The following ADARB1 variants were observed in gnomAD, a reference collection of about 807,000 sequenced individuals.
The protein encoded by ADARB1 is double-stranded RNA-specific editase 1.
Under a neutral mutation model 52.4 loss-of-function variants are expected in ADARB1, and 10 were observed. That is an observed-to-expected ratio of 0.19 (90% CI 0.12 to 0.32). ADARB1 has a LOEUF of 0.32. ADARB1 is among the 10% of genes least tolerant of loss of function. The pLI, the probability that ADARB1 is intolerant of heterozygous loss-of-function variation, is 1.00. For missense variants in ADARB1, 643 were observed against 922.3 expected, an observed-to-expected ratio of 0.70 and a Z score of 3.92; for synonymous variants, 349 against 371.1, an observed-to-expected ratio of 0.94 and a Z score of 0.68.
At chr21:45,194,030 C>T (rs2092367549) in intron 8 of ADARB1, among the ~76,000 whole-genome samples, 1 of 152,104 alleles carries the variant, frequency 6.6e-6, no homozygotes, top group African/African-American at 2.4e-5. Flanking sequence ...AAACAACTTT[C>T]AAAAGGAAGA....
At chr21:45,180,873 G>A (rs778045669) in intron 5 of ADARB1, among the ~76,000 whole-genome samples, 58 of 152,164 alleles carry the variant, frequency 3.8e-4, no homozygotes, top group Non-Finnish European at 5.6e-4. Flanking sequence ...AAATCCGTGG[G>A]GAAAAAAAGC....
chr21:45,094,104 G>C (rs1415479824), intron 1 of ADARB1, among the ~76,000 whole-genome samples: 2 of 152,074 alleles, frequency 1.3e-5, no homozygotes, highest in Non-Finnish European at 2.9e-5. Flanking sequence ...TTCATAAGAT[G>C]GTTTTTTGAT....
At chr21:45,159,505 G>A (rs1201313803) in intron 2 of ADARB1, among the ~76,000 whole-genome samples, 1 of 152,146 alleles carries the variant, frequency 6.6e-6, no homozygotes, top group South Asian at 2.1e-4. Context: ...CTTCCAATTC[G>A]TAGTACTAGA....
At chr21:45,105,669 T>G (rs1362447552) in intron 1 of ADARB1, among the ~76,000 whole-genome samples, 3 of 152,258 alleles carry the variant, frequency 2.0e-5, no homozygotes, top group Admixed American at 6.5e-5. Context: ...TTTTATGTTC[T>G]TTACTAAATT....
intron 2 of ADARB1, among the ~76,000 whole-genome samples, chr21:45,132,973 C>T (rs1400745871): frequency 1.3e-5 from 2 of 152,238 alleles, no homozygotes; most frequent in African/African-American, 4.8e-5. Flanking sequence ...CCACAGTCAG[C>T]GTTTCCCTGC....
At chr21:45,111,501 A>T (rs2145755223) in intron 1 of ADARB1, among the ~76,000 whole-genome samples, 1 of 152,054 alleles carries the variant, frequency 6.6e-6, no homozygotes, top group Non-Finnish European at 1.5e-5. Context: ...ATGAGGGTGC[A>T]CTCTTAGTGT....
chr21:45,134,497 G>A (rs2089243808), intron 2 of ADARB1, among the ~76,000 whole-genome samples: 3 of 151,374 alleles, frequency 2.0e-5, no homozygotes, highest in Admixed American at 2.0e-4. Flanking sequence ...ACGTACACTC[G>A]GGGTGTGTGT....
intron 2 of ADARB1, among the ~76,000 whole-genome samples, chr21:45,146,641 C>G (rs2090022695): frequency 1.3e-5 from 2 of 152,326 alleles, no homozygotes; most frequent in South Asian, 4.2e-4. Context: ...AGATGAAAAC[C>G]CTGACCCAGA....
chr21:45,077,509 T>C (rs2085988084), intron 1 of ADARB1, among the ~76,000 whole-genome samples: 1 of 151,686 alleles, frequency 6.6e-6, no homozygotes, highest in Non-Finnish European at 1.5e-5. Context: ...ACTAAAAAAA[T>C]ATAAAAAATC....
intron 9 of ADARB1, among the ~76,000 whole-genome samples, chr21:45,217,282 T>C (rs1018062217): frequency 6.6e-6 from 1 of 152,088 alleles, no homozygotes; most frequent in Non-Finnish European, 1.5e-5. Flanking sequence ...CTTTGTTCAC[T>C]TTTTCCTCAT....
chr21:45,171,782 G>A, intron 3 of ADARB1, 98 bp downstream of exon 3: 1 of 1,180,512 alleles, frequency 8.5e-7, no homozygotes, highest in South Asian at 1.5e-5. Flanking sequence ...TGTGGGGATT[G>A]TGTTTTTTCC....
At chr21:45,102,779 A>C (rs1281683670) in intron 1 of ADARB1, among the ~76,000 whole-genome samples, 1 of 152,268 alleles carries the variant, frequency 6.6e-6, no homozygotes, top group African/African-American at 2.4e-5. Context: ...CTTTTCCAGC[A>C]CAATTCCAGA....
At chr21:45,076,648 T>G (rs1259496655) in intron 1 of ADARB1, among the ~76,000 whole-genome samples, 1 of 152,204 alleles carries the variant, frequency 6.6e-6, no homozygotes, top group Non-Finnish European at 1.5e-5. Flanking sequence ...AGCTATGAAG[T>G]GATAACATCA....
chr21:45,149,784 C>T (rs1271311807), intron 2 of ADARB1, among the ~76,000 whole-genome samples: 1 of 152,356 alleles, frequency 6.6e-6, no homozygotes, highest in East Asian at 1.9e-4. Flanking sequence ...TCGGATAATG[C>T]TTGTTCTGTT....
At chr21:45,205,023 C>T (rs1448993301) in intron 9 of ADARB1, among the ~76,000 whole-genome samples, 1 of 152,118 alleles carries the variant, frequency 6.6e-6, no homozygotes, top group Non-Finnish European at 1.5e-5. Flanking sequence ...TTTGGGAGGC[C>T]AAGGCCTAGT....
At chr21:45,159,246 GA>G (rs748322814) in intron 2 of ADARB1, among the ~76,000 whole-genome samples, 7 of 152,144 alleles carry the variant, frequency 4.6e-5, no homozygotes, top group Non-Finnish European at 1.0e-4. Context: ...AGCAAAGAGA[GA>G]AATGAGAACC....
At position 45,095,776 on chromosome 21, in the gene ADARB1, C is replaced by T. The variant is rs79460488; in HGVS notation, c.-220+20983C>T. Among the ~76,000 whole-genome samples the T allele has an allele frequency of 7.1e-3, 1,089 of 152,320 alleles. 14 individuals carry two copies. The highest frequency in any genetic ancestry group is 0.025 in the African/African-American group (1,039 of 41,554). ...CATTGGCTGGAAGAGTATTACACGGCTACCTCTGGTTGCCCAGATGCCTGG... is the reference window on the plus strand; with the variant it reads ...CATTGGCTGGAAGAGTATTACACGGTTACCTCTGGTTGCCCAGATGCCTGG... On this transcript the variant is annotated intron_variant, in intron 1 of 10. Transcript: ENST00000348831.
At chr21:45,153,588 T>C (rs2090412983) in intron 2 of ADARB1, among the ~76,000 whole-genome samples, 2 of 152,308 alleles carry the variant, frequency 1.3e-5, no homozygotes, top group South Asian at 4.1e-4. Flanking sequence ...AACCTCGGTT[T>C]TTTGGTGTGG....
chr21:45,149,023 G>C (rs1190415403), intron 2 of ADARB1, among the ~76,000 whole-genome samples: 2 of 152,198 alleles, frequency 1.3e-5, no homozygotes, highest in Admixed American at 1.3e-4. Context: ...TTTCAGGATG[G>C]AGTTCAAAGA....
Sources: gnomAD v4.1 joint callset for allele counts (sites outside exome capture counted in the v4.1 genomes callset) on GRCh38, gnomAD v4.1.1 for gene constraint, MANE v1.5 for transcripts, NCBI Gene and HGNC (gene_info 2026-07-23, HGNC 2026-07-21) for gene names.